GPI: variants seen among roughly 807,000 people sequenced by gnomAD.
GPI encodes glucose-6-phosphate isomerase.
In GPI, 56 loss-of-function variants were observed where a neutral mutation model predicts 75.8. That is an observed-to-expected ratio of 0.74 (90% CI 0.60 to 0.92). The LOEUF (loss-of-function observed/expected upper bound fraction) is 0.92. Ranked by LOEUF, GPI falls within the 40% of genes least tolerant of loss-of-function variation. The probability of loss-of-function intolerance (pLI) is 0.00; values close to 1 mark genes in which losing one functional copy is unlikely to be tolerated. For missense variants in GPI, 638 were observed against 741.0 expected (o/e 0.86, Z 1.61); for synonymous variants, 288 against 285.4 (o/e 1.01, Z -0.09).
At chr19:34,366,905 T>C in intron 3 of GPI, 54 bp downstream of exon 3, 4 of 1,273,356 alleles carry the variant, frequency 3.1e-6, no homozygotes, top group Non-Finnish European at 4.6e-6. Flanking sequence ...TTGGGGTTTA[T>C]CTGACTGTTA....
At position 34,378,907 on chromosome 19, in the gene GPI, G is replaced by A. The variant is rs368742453; in HGVS notation, c.634-27G>A. On this transcript the variant is annotated intron_variant, in intron 6 of 17. Coordinates refer to ENST00000356487, the MANE Select transcript of GPI (RefSeq NM_000175.5). Reference sequence around the variant, plus strand: ...CCTGCACCCACCCCTAAGCTCGGGCGCCCACTGCTGTTCTCTTTGGTTGCA... The same window carrying A: ...CCTGCACCCACCCCTAAGCTCGGGCACCCACTGCTGTTCTCTTTGGTTGCA... 1,956 of 1,593,758 alleles carry A rather than the reference G, an allele frequency of 1.2e-3. 2 individuals carry two copies. The highest frequency in any genetic ancestry group is 1.5e-3 in the Non-Finnish European group (1,764 of 1,161,408).
intron 9 of GPI, among the ~76,000 whole-genome samples, chr19:34,388,854 TCGGGAGGCTGAGA>T (rs1368727074): frequency 3.3e-5 from 5 of 152,068 alleles, no homozygotes; most frequent in African/African-American, 1.2e-4. Flanking sequence ...TCCCTGAGCT[TCGGGAGGCTGAGA>T]TGGGAGGCTG....
At chr19:34,378,909 C>G (rs766569368) in intron 6 of GPI, 25 bp from the exon 7 acceptor site, 1 of 1,602,418 alleles carries the variant, frequency 6.2e-7, no homozygotes, top group Admixed American at 1.7e-5. Context: ...GCTCGGGCGC[C>G]CACTGCTGTT....
chr19:34,377,336 A>AAAATATATAT (rs2074558981), intron 4 of GPI, among the ~76,000 whole-genome samples, 167 bp from the exon 5 acceptor site: 3 of 49,326 alleles, frequency 6.1e-5, no homozygotes, highest in Non-Finnish European at 9.5e-5. Context: ...AAAAAAAAAA[A>AAAATATATAT]ATATATATAT....
At chr19:34,389,093 TA>T (rs879353746) in intron 9 of GPI, among the ~76,000 whole-genome samples, 10 of 147,156 alleles carry the variant, frequency 6.8e-5, no homozygotes, top group African/African-American at 1.0e-4. Context: ...CCCTGTCTCT[TA>T]AAAAAAAAAG....
At chr19:34,368,795 G>C in intron 4 of GPI, 93 bp downstream of exon 4, 2 of 1,444,586 alleles carry the variant, frequency 1.4e-6, no homozygotes, top group South Asian at 2.3e-5. Flanking sequence ...CCCTCTTCTT[G>C]TAGGCAGGAC....
chr19:34,400,745 T>A lies in GPI; in HGVS notation c.*709T>A. The stretch of plus-strand genomic sequence containing the variant: ...GATATTGAAAACTGGAATTTTTTTT[T>A]TTTGAGTCTCGCTCTGTCACCCAGA... On this transcript the variant is annotated 3_prime_UTR_variant, in exon 18 of 18. Coordinates refer to ENST00000356487, the MANE Select transcript of GPI (RefSeq NM_000175.5). 2.5e-6 allele frequency: 1 copy of A among 401,512 alleles called. No homozygotes were observed. The highest frequency in any genetic ancestry group is 4.4e-6 in the Non-Finnish European group (1 of 227,998). 24.9% of individuals were successfully genotyped at this position (401,512 alleles called of 1,614,324 possible).
Position 34,394,067 on chromosome 19 carries a change from G to T in GPI, c.1062+1G>T. 6.2e-7 allele frequency: 1 copy of T among 1,608,386 alleles called. No homozygotes were observed. Among genetic ancestry groups the T allele is most frequent in the Non-Finnish European group, 8.5e-7 (1 of 1,177,704 alleles). On this transcript the variant is annotated splice_donor_variant, in intron 12 of 17. Transcript: ENST00000356487. LOFTEE classifies it high-confidence loss of function. ...CCGCTTTGCTGCGTACTTCCAGCAG[G>T]TACCAGCTGCCAAGCCAGGCCTTGG...
At chr19:34,372,244 T>C (rs1028020656) in intron 4 of GPI, among the ~76,000 whole-genome samples, 3 of 152,242 alleles carry the variant, frequency 2.0e-5, no homozygotes, top group African/African-American at 4.8e-5. Context: ...ACTTGCTTTT[T>C]CTAACCTCTT....
chr19:34,378,149 A>G (rs1373667376), intron 6 of GPI, among the ~76,000 whole-genome samples: 1 of 152,100 alleles, frequency 6.6e-6, no homozygotes, highest in South Asian at 2.1e-4. Flanking sequence ...TCAGCCTGGG[A>G]CTGCTCGCCA....
chr19:34,381,248 C>T (rs562540538), intron 8 of GPI: 34 of 617,552 alleles, frequency 5.5e-5, no homozygotes, highest in African/African-American at 1.5e-4. Context: ...ACGTCACTGG[C>T]GTGCTGGTCA....
At position 34,378,955 on chromosome 19, in the gene GPI, A is replaced by G; in HGVS notation, c.655A>G (p.Ile219Val). Residue 219 changes from isoleucine (I) to valine (V), a missense_variant, in exon 7 of 18, where the codon ATC (isoleucine) becomes GTC (valine). Ile to Val is a conservative substitution (Grantham distance 29, BLOSUM62 3). Transcript: ENST00000356487. ...ASKTFTTQET[I>V]TNAETAKEWF... ...GCAGACCTTTACTACCCAGGAGACC[A>G]TCACGAATGCAGAGACGGCGAAGGA... The G allele has an allele frequency of 6.2e-7, 1 of 1,614,210 alleles. No individual in the cohort carries two copies. The highest frequency in any genetic ancestry group is 8.5e-7 in the Non-Finnish European group (1 of 1,180,026).
chr19:34,366,912 G>A (rs1186525287), intron 3 of GPI, 61 bp downstream of exon 3: 1 of 1,202,180 alleles, frequency 8.3e-7, no homozygotes, highest in East Asian at 2.3e-5. Context: ...TTATCTGACT[G>A]TTAGCCGCAT....
At chr19:34,396,499 C>T in intron 13 of GPI, 69 bp downstream of exon 13, 2 of 1,612,506 alleles carry the variant, frequency 1.2e-6, no homozygotes, top group South Asian at 1.1e-5. Context: ...AGATATCTCA[C>T]TTAGGTCAGT....
chr19:34,383,131 A>G (rs1440388181), intron 9 of GPI, among the ~76,000 whole-genome samples: 1 of 152,118 alleles, frequency 6.6e-6, no homozygotes, highest in African/African-American at 2.4e-5. Flanking sequence ...TGCGGCAGCC[A>G]TGGGTGTCGG....
chr19:34,376,211 G>T (rs1568332241), intron 4 of GPI, among the ~76,000 whole-genome samples: 1 of 152,102 alleles, frequency 6.6e-6, no homozygotes, highest in Non-Finnish European at 1.5e-5. Context: ...ATTATTTGAG[G>T]CCAGGAGTTA....
chr19:34,373,840 A>G (rs1280880318), intron 4 of GPI, among the ~76,000 whole-genome samples: 1 of 152,252 alleles, frequency 6.6e-6, no homozygotes, highest in Non-Finnish European at 1.5e-5. Context: ...TTTGGGAGGC[A>G]CAGACAGTTC....
At chr19:34,378,364 A>ATTAT (rs1487921128) in intron 6 of GPI, among the ~76,000 whole-genome samples, 2 of 151,374 alleles carry the variant, frequency 1.3e-5, no homozygotes, top group African/African-American at 4.9e-5. Context: ...GGCTAATTTT[A>ATTAT]TTATTTATTT....
intron 2 of GPI, 78 bp from the exon 3 acceptor site, chr19:34,366,705 C>A: frequency 1.0e-6 from 1 of 999,990 alleles, no homozygotes; most frequent in Non-Finnish European, 1.6e-6. Flanking sequence ...GGGGACAGCA[C>A]CAAGCCTTGT....
Sources: gnomAD v4.1 joint callset for allele counts (sites outside exome capture counted in the v4.1 genomes callset) on GRCh38, gnomAD v4.1.1 for gene constraint, MANE v1.5 for transcripts, NCBI Gene and HGNC (gene_info 2026-07-23, HGNC 2026-07-21) for gene names.